Variants in CUBN observed in about 807,000 individuals in gnomAD.
CUBN encodes the protein cubilin.
In CUBN, 282 loss-of-function variants were observed where a neutral mutation model predicts 405.3. The ratio of observed to expected loss-of-function variants is 0.70; its 90% CI spans 0.63 to 0.77. The LOEUF is 0.77. CUBN is among the 30% of genes least tolerant of loss of function. CUBN has a pLI of 0.00. For missense variants in CUBN, 4,514 were observed against 4,475.2 expected (o/e 1.01, Z -0.25); for synonymous variants, 1,684 against 1,617.0 (o/e 1.04, Z -0.99).
At chr10:17,113,991 G>T (rs1278371679) in intron 8 of CUBN, 36 bp downstream of exon 8, 1 of 1,604,698 alleles carries the variant, frequency 6.2e-7, no homozygotes, top group Non-Finnish European at 8.5e-7. Flanking sequence ...CGCCAACCTG[G>T]CATGCAGAGC....
At chr10:16,880,121 A>G (rs1840626625) in intron 56 of CUBN, among the ~76,000 whole-genome samples, 1 of 152,232 alleles carries the variant, frequency 6.6e-6, no homozygotes, top group South Asian at 2.1e-4. Context: ...TCCAGAATTA[A>G]AAACCAATGA....
chr10:17,098,947 G>A (rs1171980213), intron 14 of CUBN, among the ~76,000 whole-genome samples: 1 of 152,142 alleles, frequency 6.6e-6, no homozygotes, highest in Non-Finnish European at 1.5e-5. Flanking sequence ...TTCATGCATT[G>A]GCAGGCTGAA....
At position 16,961,903 on chromosome 10, in the gene CUBN, A is replaced by G. The variant is rs914023696; in HGVS notation, c.4696-7355T>C. Among the ~76,000 whole-genome samples the G allele has an allele frequency of 3.4e-4, 52 of 152,074 alleles. 1 individual carries two copies. In the Middle Eastern group the frequency reaches 0.01, roughly 30 times the overall value. On this transcript the variant is annotated intron_variant, in intron 31 of 66. Transcript: ENST00000377833. ...ATTTTTTTGTATTTTCAGTAGAGAC[A>G]AGGTTTCACCGTGTTAGCCAGGATG...
intron 36 of CUBN, among the ~76,000 whole-genome samples, chr10:16,944,505 T>C (rs571616492): frequency 1.2e-4 from 19 of 152,330 alleles, no homozygotes; most frequent in Middle Eastern, 3.4e-3. Context: ...ATGCTTCTCA[T>C]ACGCTCTCAC....
intron 22 of CUBN, among the ~76,000 whole-genome samples, chr10:17,048,265 T>C (rs1218066630): frequency 1.3e-5 from 2 of 152,284 alleles, no homozygotes; most frequent in Non-Finnish European, 2.9e-5. Flanking sequence ...TCATTTACTT[T>C]ATAAGGAAGA....
chr10:16,831,288 G>C lies in CUBN; in HGVS notation c.10492C>G (p.Arg3498Gly), dbSNP rs181848786. The change falls in exon 65 of 67, where the codon CGT becomes GGT. Residue 3498 changes from arginine (R) to glycine (G), a missense_variant. By Grantham distance (125) the Arg-to-Gly change is moderately radical. This residue lies in a region of CUBN where 1,186 missense variants were observed against 1,186.9 expected (regional missense o/e 1.00). Coordinates refer to ENST00000377833, the MANE Select transcript of CUBN (RefSeq NM_001081.4). ...RFKSDSVTSDRGYEIIWTSSP... is the reference protein window; with the variant it reads ...RFKSDSVTSDGGYEIIWTSSP... ...GAAGTCCAGATGATTTCATATCCAC[G>C]ATCAGAAGTTACACTATCACTCTTA... is the stretch of plus-strand genomic sequence containing the variant. 7 of 1,613,914 alleles carry C rather than the reference G, an allele frequency of 4.3e-6. No individual in the cohort carries two copies. The highest frequency in any genetic ancestry group is 5.9e-6 in the Non-Finnish European group (7 of 1,179,932).
intron 54 of CUBN, among the ~76,000 whole-genome samples, chr10:16,898,661 G>A (rs1841266273): frequency 2.0e-5 from 3 of 152,004 alleles, no homozygotes; most frequent in South Asian, 2.1e-4. Context: ...GCTTTCTCAC[G>A]GTTTTTTCAG....
chr10:17,028,226 TTTATTATTA>T (rs57633202), intron 27 of CUBN, among the ~76,000 whole-genome samples: 8,882 of 144,106 alleles, frequency 0.062, 872 homozygotes, highest in African/African-American at 0.21. Context: ...ACACTAAACA[TTTATTATTA>T]TTATTATTAT....
intron 31 of CUBN, among the ~76,000 whole-genome samples, chr10:16,958,723 C>T (rs1051091463): frequency 1.3e-5 from 2 of 152,146 alleles, no homozygotes; most frequent in African/African-American, 2.4e-5. Flanking sequence ...AGTAAGTCAT[C>T]CAAGTTCACA....
chr10:16,863,846 T>C (rs1466375399), intron 59 of CUBN, among the ~76,000 whole-genome samples: 2 of 152,194 alleles, frequency 1.3e-5, no homozygotes, highest in Non-Finnish European at 2.9e-5. Context: ...ACTCCCACTG[T>C]CTTCATTTAA....
At chr10:16,841,093 T>TGG in intron 60 of CUBN, 46 bp from the exon 61 acceptor site, 1 of 1,592,056 alleles carries the variant, frequency 6.3e-7, no homozygotes. Context: ...TTACAAAAAA[T>TGG]TGCATATTTC....
Position 16,913,871 on chromosome 10 carries a change from G to C in CUBN, c.7473C>G (p.Thr2491=). The C allele has an allele frequency of 1.2e-6, 2 of 1,614,102 alleles. No homozygotes were observed. Among genetic ancestry groups the C allele is most frequent in the Non-Finnish European group, 1.7e-6 (2 of 1,180,020 alleles). ...RITAPEGRRI[T]LMFNNLRLAT... The stretch of plus-strand genomic sequence containing the variant: ...CCAGCCTCAGGTTGTTAAACATTAG[G>C]GTGATCCGCCTTCCCTCCGGGGCAG... Residue 2491 remains threonine (T), a synonymous_variant, in exon 48 of 67, where the codon ACC becomes ACG. Transcript: ENST00000377833.
chr10:17,045,151 G>A lies in CUBN; in HGVS notation c.3528C>T (p.Phe1176=), dbSNP rs539850576. ...GGNLTTSSGT[F]ISPNYPMPYY... ...AGGGCATCGGGTAGTTGGGAGATAT[G>A]AACGTGCCGCTTGAAGTGGTGAGAT... Residue 1176 remains phenylalanine (F), a synonymous_variant, in exon 25 of 67, where the codon TTC becomes TTT. Transcript: ENST00000377833. 215 of 1,613,822 alleles carry A rather than the reference G, an allele frequency of 1.3e-4. 2 individuals are homozygous for A. The South Asian group carries it at 2.3e-3, about 17-fold the overall frequency.
intron 26 of CUBN, among the ~76,000 whole-genome samples, chr10:17,042,657 A>G (rs1363305736): frequency 6.6e-6 from 1 of 152,208 alleles, no homozygotes; most frequent in African/African-American, 2.4e-5. Context: ...AGAACTTAGG[A>G]GACCTTTTTA....
intron 40 of CUBN, among the ~76,000 whole-genome samples, chr10:16,929,727 C>T (rs997533215): frequency 3.3e-5 from 5 of 152,138 alleles, no homozygotes; most frequent in African/African-American, 1.2e-4. Flanking sequence ...AAGTGCACTT[C>T]ATTATGCTAT....
Position 16,900,751 on chromosome 10 carries a change from G to A in CUBN, c.8284C>T (p.Gln2762Ter). 6.2e-7 allele frequency: 1 copy of A among 1,614,024 alleles called. No homozygotes were observed. The highest frequency in any genetic ancestry group is 8.5e-7 in the Non-Finnish European group (1 of 1,179,964). ...CTGGGGTTTGAATTTCCACAGTATT[G>A]TCCTATGATGGGTGATTCAGGGGAC... is the stretch of plus-strand genomic sequence containing the variant. ...GGSPESPIIG[Q>*]YCGNSNPRTI... Residue 2762 changes from glutamine to a stop codon, truncating the protein, a stop_gained, in exon 53 of 67, where the codon CAA becomes TAA. Coordinates refer to ENST00000377833, the MANE Select transcript of CUBN (RefSeq NM_001081.4). LOFTEE classifies it high-confidence loss of function.
chr10:16,966,453 A>AT (rs58278501), intron 31 of CUBN, among the ~76,000 whole-genome samples: 51,324 of 147,678 alleles, frequency 0.35, 8,925 homozygotes, highest in Middle Eastern at 0.46. Flanking sequence ...GCTTTACTAC[A>AT]TTTTTTTTTT....
intron 29 of CUBN, among the ~76,000 whole-genome samples, chr10:16,984,863 G>C (rs1833372953): frequency 6.6e-6 from 1 of 152,328 alleles, no homozygotes; most frequent in South Asian, 2.1e-4. Flanking sequence ...TGCTTCTTTA[G>C]GAGGAGTGGA....
At chr10:16,845,016 A>G (rs1009979452) in intron 60 of CUBN, among the ~76,000 whole-genome samples, 2 of 152,218 alleles carry the variant, frequency 1.3e-5, no homozygotes, top group African/African-American at 4.8e-5. Flanking sequence ...GAAGAATGTT[A>G]TATTTTCTCA....
Sources: allele counts gnomAD v4.1 joint callset (sites outside exome capture counted in the v4.1 genomes callset), GRCh38; gene constraint gnomAD v4.1.1; regional missense constraint gnomAD v4.1.1; transcripts MANE v1.5; gene names NCBI Gene and HGNC (gene_info 2026-07-23, HGNC 2026-07-21).